FBXL7: variants seen among roughly 807,000 people sequenced by gnomAD.
FBXL7 encodes F-box and leucine rich repeat protein 7.
FBXL7 carries 12 observed loss-of-function variants against 38.3 expected under a neutral mutation model. That is an observed-to-expected ratio of 0.31 (90% CI 0.20 to 0.51). The LOEUF (loss-of-function observed/expected upper bound fraction) is 0.51. Among genes scored for constraint, FBXL7 ranks in the 20% least tolerant of loss-of-function variants. FBXL7 has a pLI of 0.98. For missense variants in FBXL7, 567 were observed against 676.4 expected (o/e 0.84, Z 1.79); for synonymous variants, 297 against 300.9 (o/e 0.99, Z 0.13).
At chr5:15,830,572 C>T (rs1738430681) in intron 2 of FBXL7, among the ~76,000 whole-genome samples, 1 of 151,744 alleles carries the variant, frequency 6.6e-6, no homozygotes, top group South Asian at 2.1e-4. Flanking sequence ...TCAGGTAAGA[C>T]TTCAATCTCT....
chr5:15,885,087 T>G (rs2126351214), intron 2 of FBXL7, among the ~76,000 whole-genome samples: 1 of 152,314 alleles, frequency 6.6e-6, no homozygotes, highest in Non-Finnish European at 1.5e-5. Flanking sequence ...GTCAAGGTGT[T>G]GTCTGGGACT....
At chr5:15,649,062 T>C (rs1741625734) in intron 2 of FBXL7, among the ~76,000 whole-genome samples, 1 of 152,172 alleles carries the variant, frequency 6.6e-6, no homozygotes, top group Non-Finnish European at 1.5e-5. Context: ...AGTGGCATGA[T>C]CTTGGCTCAC....
At position 15,687,373 on chromosome 5, in the gene FBXL7, G is replaced by A. The variant is rs567877179; in HGVS notation, c.127+71301G>A. ...GTGGCAGCAGTGAAAGACATTTGAG[G>A]TGGGAGCCTTTTGAGCTCACTCCCC... On this transcript the variant is annotated intron_variant, in intron 2 of 3. Coordinates refer to ENST00000504595, the MANE Select transcript of FBXL7 (RefSeq NM_012304.5). Among the ~76,000 whole-genome samples the A allele has an allele frequency of 3.9e-5, 6 of 152,288 alleles. No individual in the cohort carries two copies. In the South Asian group the frequency reaches 1.2e-3, roughly 32 times the overall value.
At chr5:15,789,520 C>T (rs1017193933) in intron 2 of FBXL7, among the ~76,000 whole-genome samples, 2 of 152,194 alleles carry the variant, frequency 1.3e-5, no homozygotes, top group Non-Finnish European at 2.9e-5. Flanking sequence ...GCGTTCAAGG[C>T]AGTCACCCAC....
intron 2 of FBXL7, among the ~76,000 whole-genome samples, chr5:15,900,034 A>C (rs1305575036): frequency 3.9e-5 from 6 of 152,030 alleles, no homozygotes; most frequent in Non-Finnish European, 5.9e-5. Flanking sequence ...GATCCAACTC[A>C]GGTTCTCAGC....
At chr5:15,622,852 G>A (rs957333523) in intron 2 of FBXL7, among the ~76,000 whole-genome samples, 6 of 152,062 alleles carry the variant, frequency 3.9e-5, no homozygotes, top group Non-Finnish European at 8.8e-5. Context: ...TTACAGGCAT[G>A]AGCCACCATG....
chr5:15,666,127 G>T (rs1417709985), intron 2 of FBXL7, among the ~76,000 whole-genome samples: 2 of 152,000 alleles, frequency 1.3e-5, no homozygotes, highest in South Asian at 4.1e-4. Flanking sequence ...CCTAAAGTTG[G>T]TATCGATTCA....
intron 2 of FBXL7, among the ~76,000 whole-genome samples, chr5:15,865,653 T>A (rs1739675920): frequency 6.6e-6 from 1 of 152,178 alleles, no homozygotes. Flanking sequence ...GGTCTCTCTC[T>A]CTCTCCCCAC....
chr5:15,921,475 C>A (rs928044869), intron 2 of FBXL7, among the ~76,000 whole-genome samples: 1 of 152,010 alleles, frequency 6.6e-6, no homozygotes, highest in Non-Finnish European at 1.5e-5. Context: ...CTCCATTCAT[C>A]CATCCACCCA....
intron 2 of FBXL7, among the ~76,000 whole-genome samples, chr5:15,623,486 C>A (rs1019664322): frequency 3.9e-5 from 6 of 152,166 alleles, no homozygotes; most frequent in African/African-American, 1.4e-4. Flanking sequence ...AATCTAGAAT[C>A]ACCAATTTGA....
intron 2 of FBXL7, among the ~76,000 whole-genome samples, chr5:15,903,202 C>A (rs1022973374): frequency 2.6e-4 from 40 of 152,308 alleles, no homozygotes; most frequent in African/African-American, 8.7e-4. Context: ...GAAAATGTTT[C>A]TTAAAAGATC....
At chr5:15,556,519 C>T (rs1018510732) in intron 1 of FBXL7, among the ~76,000 whole-genome samples, 3 of 152,224 alleles carry the variant, frequency 2.0e-5, no homozygotes, top group East Asian at 1.9e-4. Flanking sequence ...CTGGGCGTCC[C>T]GTGGTCCAGT....
chr5:15,782,457 G>T (rs925596977), intron 2 of FBXL7, among the ~76,000 whole-genome samples: 1 of 152,148 alleles, frequency 6.6e-6, no homozygotes, highest in Non-Finnish European at 1.5e-5. Flanking sequence ...GTGTAAAATT[G>T]TTCCTATTTC....
At chr5:15,779,930 T>C (rs1046897331) in intron 2 of FBXL7, among the ~76,000 whole-genome samples, 3 of 152,176 alleles carry the variant, frequency 2.0e-5, no homozygotes, top group African/African-American at 7.2e-5. Flanking sequence ...ATCACTCTGC[T>C]CTCTCCAAAC....
rs943783958 is a variant in FBXL7, at chr5:15,895,630, A to G, written c.128-32260A>G. Among the ~76,000 whole-genome samples the G allele has an allele frequency of 4.5e-5, 6 of 133,530 alleles. No individual in the cohort carries two copies. The East Asian group carries it at 1.1e-3, about 24-fold the overall frequency. The allele number at this position is 133,530 out of a possible 152,430, so 87.6% of individuals were successfully genotyped here. A position where few individuals can be genotyped will look rare whatever the true frequency, so the allele number is the denominator to read the frequency against. On this transcript the variant is annotated intron_variant, in intron 2 of 3. Transcript: ENST00000504595. ...TTTTTGATGCTTAGGGCCCTTTTTC[A>G]TACTTTTTTTTTTTTTTTTTTTTTT...
At chr5:15,817,048 A>G (rs1738034483) in intron 2 of FBXL7, among the ~76,000 whole-genome samples, 1 of 152,202 alleles carries the variant, frequency 6.6e-6, no homozygotes, top group African/African-American at 2.4e-5. Flanking sequence ...TGGGGCTTAG[A>G]GCCCAAAGAC....
At chr5:15,845,869 G>A (rs954927879) in intron 2 of FBXL7, among the ~76,000 whole-genome samples, 2 of 152,218 alleles carry the variant, frequency 1.3e-5, no homozygotes, top group East Asian at 3.9e-4. Context: ...TACTCGGGAG[G>A]CTGAGGCAGG....
intron 2 of FBXL7, among the ~76,000 whole-genome samples, chr5:15,793,536 C>T (rs1333776748): frequency 6.6e-6 from 1 of 152,094 alleles, no homozygotes; most frequent in Non-Finnish European, 1.5e-5. Context: ...CTGCAAAAAA[C>T]GTTTTCCAAA....
At chr5:15,656,852 AT>A (rs1469424144) in intron 2 of FBXL7, among the ~76,000 whole-genome samples, 1 of 151,988 alleles carries the variant, frequency 6.6e-6, no homozygotes, top group Non-Finnish European at 1.5e-5. Context: ...AAAATGATTA[AT>A]TTATTAATAT....
Sources: gnomAD v4.1 joint callset for allele counts (sites outside exome capture counted in the v4.1 genomes callset) on GRCh38, gnomAD v4.1.1 for gene constraint, MANE v1.5 for transcripts, NCBI Gene and HGNC (gene_info 2026-07-23, HGNC 2026-07-21) for gene names.